Variants in FAHD1 observed in about 807,000 individuals in gnomAD.
FAHD1 encodes FAH domain containing oxaloacetate decarboxylase 1.
Under a neutral mutation model 12.7 loss-of-function variants are expected in FAHD1, and 14 were observed. The observed-to-expected ratio is 1.10, with a 90% CI of 0.73 to 1.72. The LOEUF is 1.72. Among genes scored for constraint, FAHD1 ranks in the 40% most tolerant of loss-of-function variants. FAHD1 has a pLI of 0.00. For synonymous variants in FAHD1, 153 were observed against 124.9 expected (o/e 1.22, Z -1.50); for missense variants, 351 against 298.9 (o/e 1.17, Z -1.29).
intron 1 of FAHD1, chr16:1,837,979 C>T (rs1898793858): frequency 6.9e-7 from 1 of 1,439,736 alleles, no homozygotes; most frequent in African/African-American, 1.4e-5. Context: ...ATTTTATTTG[C>T]AGTAATTACA....
intron 1 of FAHD1, among the ~76,000 whole-genome samples, chr16:1,835,833 C>G (rs1898730577): frequency 6.6e-6 from 1 of 151,504 alleles, no homozygotes; most frequent in Non-Finnish European, 1.5e-5. Flanking sequence ...CATTGCCTGC[C>G]TATGTATCTA....
At chr16:1,831,995 T>C (rs1898628174), downstream of FAHD1, among the ~76,000 whole-genome samples, 1 of 150,350 alleles carries the variant, frequency 6.7e-6, no homozygotes, top group African/African-American at 2.4e-5. Context: ...CATTGGCACT[T>C]GTTTGTTTCC....
exon 1 of FAHD1, chr16:1,827,493 T>C (rs3743854): frequency 0.17 from 275,167 of 1,612,448 alleles, 24,961 homozygotes; most frequent in South Asian, 0.28. Flanking sequence ...TCCCCGAGGC[T>C]GCGGCCATGG....
At position 1,837,846 on chromosome 16, in the gene FAHD1, C is replaced by T. The variant is rs199775735; in HGVS notation, c.628-170C>T. ...CACTTTAATGCTGTTTTCTGTTCAT[C>T]TGTCATTGCAAGAAACTCATGTACC... is the stretch of plus-strand genomic sequence containing the variant. On this transcript the variant is annotated intron_variant, in intron 1 of 2. Transcript: ENST00000382666. The T allele has an allele frequency of 7.8e-6, 12 of 1,534,374 alleles. No individual in the cohort carries two copies. In the East Asian group the frequency reaches 2.0e-4, roughly 25 times the overall value.
chr16:1,838,702 A>G (rs1297329718), intron 2 of FAHD1, among the ~76,000 whole-genome samples: 1 of 150,384 alleles, frequency 6.6e-6, no homozygotes, highest in African/African-American at 2.4e-5. Context: ...TTTTTTTTTT[A>G]ATTATTTGGA....
intron 1 of FAHD1, chr16:1,837,988 C>G: frequency 1.4e-6 from 2 of 1,441,354 alleles, no homozygotes; most frequent in Non-Finnish European, 1.8e-6. Flanking sequence ...GCAGTAATTA[C>G]AGCTCAATCG....
chr16:1,832,627 A>C (rs1898644707), downstream of FAHD1, among the ~76,000 whole-genome samples: 1 of 152,112 alleles, frequency 6.6e-6, no homozygotes, highest in Non-Finnish European at 1.5e-5. Context: ...TCTCTACAAA[A>C]TGTTTTAAAA....
chr16:1,836,896 G>A (rs969630210), intron 1 of FAHD1, among the ~76,000 whole-genome samples: 17 of 152,194 alleles, frequency 1.1e-4, no homozygotes, highest in African/African-American at 3.6e-4. Flanking sequence ...GCAAGTATCA[G>A]TAGATATAAC....
exon 1 of FAHD1, chr16:1,827,925 G>A: frequency 6.2e-7 from 1 of 1,604,690 alleles, no homozygotes; most frequent in Non-Finnish European, 8.5e-7. Flanking sequence ...AACAAGTTTC[G>A]AGAGAGAAGG....
At position 1,834,419 on chromosome 16, in the gene FAHD1, G is replaced by A. The variant is rs916883260; in HGVS notation, c.628-3597G>A. 7.4e-6 allele frequency: 7 copies of A among 941,452 alleles called. No individual in the cohort carries two copies. In the Admixed American group the frequency reaches 1.4e-4, roughly 19 times the overall value. 58.3% of individuals were successfully genotyped at this position (941,452 alleles called of 1,614,324 possible). ...AAAGGTTAATTTTTAAAATCCCCTT[G>A]TATATCAAGTTGAAAAATCAATGAT... is the stretch of plus-strand genomic sequence containing the variant. On this transcript the variant is annotated intron_variant, in intron 1 of 2. Transcript: ENST00000382666.
exon 1 of FAHD1, chr16:1,828,288 A>AAC (rs1898551611): frequency 5.5e-5 from 55 of 1,003,984 alleles, no homozygotes; most frequent in Non-Finnish European, 6.0e-5. Context: ...AAAAAAAAAA[A>AAC]AAAAAGAAAC....
chr16:1,833,564 T>C (rs1002476597), downstream of FAHD1, among the ~76,000 whole-genome samples: 29 of 148,466 alleles, frequency 2.0e-4, no homozygotes, highest in Admixed American at 8.7e-4. Flanking sequence ...CTTTTTTTTT[T>C]TTTTTTTTTT....
intron 1 of FAHD1, among the ~76,000 whole-genome samples, chr16:1,836,525 GAA>G (rs1450841209): frequency 3.4e-5 from 5 of 147,224 alleles, no homozygotes; most frequent in African/African-American, 9.8e-5. Flanking sequence ...GCTAACTGTT[GAA>G]GAGATGCAGC....
At chr16:1,828,647 T>C in exon 1 of FAHD1, 1 of 966,248 alleles carries the variant, frequency 1.0e-6, no homozygotes, top group Non-Finnish European at 1.3e-6. Flanking sequence ...CACAAATTAC[T>C]GGCCCATCTC....
At chr16:1,839,615 C>A (rs3813759) in exon 3 of FAHD1, 98,325 of 555,896 alleles carry the variant, frequency 0.18, 9,070 homozygotes, top group South Asian at 0.21. Context: ...ACTTTCTACG[C>A]AGCCATTCTC....
downstream of FAHD1, among the ~76,000 whole-genome samples, chr16:1,833,185 T>C (rs936796542): frequency 3.9e-5 from 6 of 152,248 alleles, no homozygotes; most frequent in Non-Finnish European, 7.3e-5. Context: ...TTGAGCCGTT[T>C]ACTTTGTGGC....
downstream of FAHD1, among the ~76,000 whole-genome samples, chr16:1,833,473 AAG>A (rs1596957295): frequency 6.6e-6 from 1 of 151,304 alleles, no homozygotes; most frequent in East Asian, 1.9e-4. Flanking sequence ...ACCCAGCACC[AAG>A]AGCCCCTTGC....
intron 1 of FAHD1, among the ~76,000 whole-genome samples, chr16:1,835,091 C>G (rs1370982700): frequency 6.6e-6 from 1 of 152,050 alleles, no homozygotes; most frequent in African/African-American, 2.4e-5. Context: ...CCTGTCTCTA[C>G]TAAAAATATA....
downstream of FAHD1, among the ~76,000 whole-genome samples, chr16:1,829,209 G>C (rs562935781): frequency 3.3e-5 from 5 of 152,308 alleles, no homozygotes; most frequent in African/African-American, 1.2e-4. Flanking sequence ...AGGGGTTCCT[G>C]TTCGCGTTCA....
Sources: allele counts gnomAD v4.1 joint callset (sites outside exome capture counted in the v4.1 genomes callset), GRCh38; gene constraint gnomAD v4.1.1; transcripts MANE v1.5; gene names NCBI Gene and HGNC (gene_info 2026-07-23, HGNC 2026-07-21).